Variants in SLC28A1 observed in about 807,000 individuals in gnomAD.
SLC28A1 encodes solute carrier family 28 member 1, also known as sodium/nucleoside cotransporter 1.
Under a neutral mutation model 74.8 loss-of-function variants are expected in SLC28A1, and 64 were observed. That is an observed-to-expected ratio of 0.86 (90% confidence interval 0.70 to 1.05). The LOEUF (loss-of-function observed/expected upper bound fraction) is 1.05. Among genes scored for constraint, SLC28A1 ranks in the 50% least tolerant of loss-of-function variants. The probability of loss-of-function intolerance (pLI) is 0.00; values close to 1 mark genes in which losing one functional copy is unlikely to be tolerated. For missense variants in SLC28A1, 828 were observed against 822.8 expected, an observed-to-expected ratio of 1.01 and a Z score of -0.08; for synonymous variants, 359 against 335.0, an observed-to-expected ratio of 1.07 and a Z score of -0.78.
rs571991575 is a variant in SLC28A1 at position 84,927,544 on chromosome 15, A to AG, written c.1083+3441dup. ...GGTATGGGGCAAGATCCTCTCTGGA[A>AG]GGGGGGGTCTTATGACCTACACTCA... On this transcript the variant is annotated intron_variant, in intron 12 of 18. Transcript: ENST00000394573. 5.3e-5 allele frequency among the ~76,000 whole-genome samples: 8 copies of AG among 152,238 alleles called. No homozygotes were observed. The East Asian group carries it at 1.4e-3, about 26-fold the overall frequency.
At chr15:84,902,011 G>A (rs900144320) in intron 6 of SLC28A1, among the ~76,000 whole-genome samples, 2 of 152,116 alleles carry the variant, frequency 1.3e-5, no homozygotes, top group Non-Finnish European at 2.9e-5. Context: ...CCATATAATG[G>A]AATACTACTC....
downstream of SLC28A1, among the ~76,000 whole-genome samples, chr15:84,946,082 GTTCATA>G (rs1431121745): frequency 3.4e-4 from 8 of 23,408 alleles, 1 homozygote; most frequent in South Asian, 2.2e-3. Context: ...GTGTGTGTAT[GTTCATA>G]TATATATATA....
chr15:84,911,919 A>G (rs1968313851), intron 9 of SLC28A1, among the ~76,000 whole-genome samples: 1 of 152,118 alleles, frequency 6.6e-6, no homozygotes, highest in African/African-American at 2.4e-5. Flanking sequence ...TGGTGGCAAA[A>G]AACTTTGAAG....
At position 84,895,003 on chromosome 15, in the gene SLC28A1, T is replaced by A. The variant is rs1965808168; in HGVS notation, c.341T>A (p.Val114Asp). Reference protein sequence around the residue: ...LDFQRALALFVLTCVVLTFLG... With the variant: ...LDFQRALALFDLTCVVLTFLG... ...TTCCAGAGGGCCCTGGCTCTGTTTG[T>A]CCTCACCTGTGTGGTCCTCACCTTC... The change falls in exon 6 of 19, where the codon GTC (valine) becomes GAC (aspartate). Residue 114 changes from valine (V) to aspartate (D), a missense_variant. Coordinates refer to ENST00000394573, the MANE Select transcript of SLC28A1 (RefSeq NM_004213.5). 2 of 1,614,196 alleles carry A rather than the reference T, an allele frequency of 1.2e-6. No homozygotes were observed. The highest frequency in any genetic ancestry group is 1.7e-6 in the Non-Finnish European group (2 of 1,180,034).
chr15:84,928,569 T>TC (rs1970815515), intron 12 of SLC28A1, among the ~76,000 whole-genome samples: 1 of 17,626 alleles, frequency 5.7e-5, no homozygotes, highest in Admixed American at 4.4e-4. Context: ...TTTCTTTCTT[T>TC]CTTTCTTTCT....
chr15:84,892,272 G>C (rs542921532), intron 5 of SLC28A1, among the ~76,000 whole-genome samples: 8 of 152,296 alleles, frequency 5.3e-5, no homozygotes, highest in Non-Finnish European at 1.0e-4. Flanking sequence ...TGCTCTGGAG[G>C]GGAGGGGCAG....
chr15:84,914,055 CCT>C (rs1339077080), intron 9 of SLC28A1, among the ~76,000 whole-genome samples: 1 of 152,180 alleles, frequency 6.6e-6, no homozygotes, highest in Non-Finnish European at 1.5e-5. Context: ...CTCAAGTGAT[CCT>C]CCTGCCTCAG....
At chr15:84,896,976 G>A (rs1051517548) in intron 6 of SLC28A1, among the ~76,000 whole-genome samples, 1 of 152,172 alleles carries the variant, frequency 6.6e-6, no homozygotes, top group African/African-American at 2.4e-5. Flanking sequence ...ATGGGAAGAG[G>A]AGGTGGTGAC....
At chr15:84,890,026 G>A (rs1965183712) in intron 4 of SLC28A1, among the ~76,000 whole-genome samples, 1 of 151,974 alleles carries the variant, frequency 6.6e-6, no homozygotes, top group South Asian at 2.1e-4. Flanking sequence ...GGTAGAGAAG[G>A]GGTTTGTCAT....
chr15:84,963,515 G>C, the SLC28A1 span, among the ~76,000 whole-genome samples: 2 of 152,180 alleles, frequency 1.3e-5, no homozygotes. Context: ...GTGGCGGAGG[G>C]TGGGACACCC....
chr15:84,895,478 G>T (rs749563789), intron 6 of SLC28A1: 18 of 1,609,998 alleles, frequency 1.1e-5, no homozygotes, highest in Non-Finnish European at 1.4e-5. Flanking sequence ...CCTGGAGGGG[G>T]ATTCAGCAGG....
At chr15:84,967,928 C>T in the SLC28A1 span, among the ~76,000 whole-genome samples, 6 of 152,034 alleles carry the variant, frequency 3.9e-5, no homozygotes, top group Admixed American at 6.6e-5. Context: ...TTCAGAGGCT[C>T]GGGCAAAAGA....
the SLC28A1 span, among the ~76,000 whole-genome samples, chr15:84,967,410 C>T: frequency 6.6e-6 from 1 of 152,178 alleles, no homozygotes; most frequent in East Asian, 1.9e-4. Context: ...TCCTAAAAAA[C>T]AATTTGAAAG....
chr15:84,930,512 C>G (rs553566489), intron 12 of SLC28A1, among the ~76,000 whole-genome samples: 4 of 152,104 alleles, frequency 2.6e-5, no homozygotes, highest in African/African-American at 7.2e-5. Flanking sequence ...GGACACAATA[C>G]CTGGGATTCA....
intron 10 of SLC28A1, among the ~76,000 whole-genome samples, chr15:84,919,793 A>T (rs969049091): frequency 3.3e-5 from 5 of 152,136 alleles, no homozygotes; most frequent in South Asian, 4.1e-4. Flanking sequence ...ATATATATAT[A>T]TTTTTATTTG....
intron 9 of SLC28A1, among the ~76,000 whole-genome samples, chr15:84,912,857 A>C (rs1968552252): frequency 6.8e-6 from 1 of 146,898 alleles, no homozygotes. Flanking sequence ...CAGATCAAAT[A>C]AGGACCAAAA....
At chr15:84,972,569 A>G in the SLC28A1 span, among the ~76,000 whole-genome samples, 1 of 152,204 alleles carries the variant, frequency 6.6e-6, no homozygotes, top group African/African-American at 2.4e-5. Context: ...TATCATCATC[A>G]CCTTCACAAT....
At chr15:84,908,449 G>A (rs1377315845) in intron 8 of SLC28A1, among the ~76,000 whole-genome samples, 1 of 152,070 alleles carries the variant, frequency 6.6e-6, no homozygotes, top group Non-Finnish European at 1.5e-5. Flanking sequence ...CTCCCAAAGT[G>A]CTGAGATTAC....
chr15:84,916,240 C>CAGGGTGAGCCACCATGCCTGGCCTTTTT (rs1555449976), intron 9 of SLC28A1, among the ~76,000 whole-genome samples: 3 of 98,422 alleles, frequency 3.0e-5, no homozygotes, highest in African/African-American at 1.5e-4. Context: ...GCTGGGATTA[C>CAGGGTGAGCCACCATGCCTGGCCTTTTT]TTTTTTTTTT....
Sources: allele counts gnomAD v4.1 joint callset (sites outside exome capture counted in the v4.1 genomes callset), GRCh38; gene constraint gnomAD v4.1.1; transcripts MANE v1.5; gene names NCBI Gene and HGNC (gene_info 2026-07-23, HGNC 2026-07-21).